The following CNTNAP5 variants were observed in gnomAD, a reference collection of about 807,000 sequenced individuals.
CNTNAP5 encodes contactin-associated protein-like 5.
CNTNAP5 carries 72 observed loss-of-function variants against 150.2 expected under a neutral mutation model. The ratio of observed to expected loss-of-function variants is 0.48; its 90% CI spans 0.40 to 0.58. The LOEUF (loss-of-function observed/expected upper bound fraction) is 0.58, where lower values mean the gene tolerates loss of function less well. CNTNAP5 is among the 20% of genes least tolerant of loss of function. The probability of loss-of-function intolerance (pLI) is 0.00; values close to 1 mark genes in which losing one functional copy is unlikely to be tolerated. For missense variants in CNTNAP5, 1,636 were observed against 1,626.2 expected (o/e 1.01, Z -0.10); for synonymous variants, 672 against 619.8 (o/e 1.08, Z -1.25).
At chr2:124,715,222 A>T (rs768890385) in intron 13 of CNTNAP5, among the ~76,000 whole-genome samples, 1 of 152,214 alleles carries the variant, frequency 6.6e-6, no homozygotes, top group African/African-American at 2.4e-5. Flanking sequence ...TGTGTCAAGC[A>T]TTGGGCTAAC....
At chr2:124,230,512 G>GTA (rs759909893) in intron 2 of CNTNAP5, among the ~76,000 whole-genome samples, 165 of 93,722 alleles carry the variant, frequency 1.8e-3, no homozygotes, top group Middle Eastern at 0.013. Context: ...GTGTGTGTGT[G>GTA]TATATATATA....
chr2:124,566,054 C>A (rs183245685), intron 11 of CNTNAP5, among the ~76,000 whole-genome samples: 1 of 151,574 alleles, frequency 6.6e-6, no homozygotes, highest in African/African-American at 2.4e-5. Context: ...CCAGTAAACA[C>A]CAATCTCTAG....
intron 19 of CNTNAP5, among the ~76,000 whole-genome samples, chr2:124,836,626 G>T (rs1458398781): frequency 6.6e-6 from 1 of 152,032 alleles, no homozygotes; most frequent in Non-Finnish European, 1.5e-5. Context: ...GTGGTCTATG[G>T]GGGTGCAAGT....
intron 12 of CNTNAP5, among the ~76,000 whole-genome samples, chr2:124,635,327 G>C (rs1677949851): frequency 6.6e-6 from 1 of 152,172 alleles, no homozygotes; most frequent in African/African-American, 2.4e-5. Context: ...CGGGAGGATA[G>C]TGCTAAACCA....
At chr2:124,836,301 A>G (rs1682827706) in intron 19 of CNTNAP5, among the ~76,000 whole-genome samples, 1 of 152,172 alleles carries the variant, frequency 6.6e-6, no homozygotes, top group Admixed American at 6.6e-5. Context: ...TATTAGTAGT[A>G]TTAGTCAGAA....
At chr2:124,463,445 C>T (rs1016636185) in intron 6 of CNTNAP5, among the ~76,000 whole-genome samples, 6 of 152,124 alleles carry the variant, frequency 3.9e-5, no homozygotes, top group African/African-American at 1.2e-4. Context: ...TCTGAATATA[C>T]CCCGTTGCAA....
chr2:124,917,737 G>A lies in CNTNAP5; in HGVS notation c.*3449G>A, dbSNP rs2104775196. Among the ~76,000 whole-genome samples, 1 of 152,112 alleles carries A rather than the reference G, an allele frequency of 6.6e-6. No homozygotes were observed. The highest frequency in any genetic ancestry group is 2.4e-5 in the African/African-American group (1 of 41,524). On this transcript the variant is annotated 3_prime_UTR_variant, in exon 24 of 24. Coordinates refer to ENST00000682447, the MANE Select transcript of CNTNAP5 (RefSeq NM_001367498.1). ...GGAATGCCAATGAGTGCCGGGCTAG[G>A]CATTGGGTGAACATATATAAATTAC...
chr2:124,043,127 A>T (rs1335637798), intron 1 of CNTNAP5, among the ~76,000 whole-genome samples: 1 of 152,182 alleles, frequency 6.6e-6, no homozygotes, highest in Non-Finnish European at 1.5e-5. Flanking sequence ...CTTTTGAAAA[A>T]GGAAAGTGAT....
chr2:124,901,994 C>T (rs1678422569), intron 21 of CNTNAP5, among the ~76,000 whole-genome samples: 1 of 152,020 alleles, frequency 6.6e-6, no homozygotes, highest in South Asian at 2.1e-4. Flanking sequence ...GTCCCTACTG[C>T]CTTTCAGAAA....
intron 8 of CNTNAP5, 144 bp downstream of exon 8, chr2:124,504,700 A>T: frequency 1.6e-6 from 1 of 624,966 alleles, no homozygotes; most frequent in Non-Finnish European, 2.6e-6. Flanking sequence ...CTGAAGAGGC[A>T]GCATTTTTTT....
intron 11 of CNTNAP5, among the ~76,000 whole-genome samples, chr2:124,576,829 G>T (rs1696291981): frequency 6.6e-6 from 1 of 152,184 alleles, no homozygotes; most frequent in Non-Finnish European, 1.5e-5. Flanking sequence ...TATGCTTAGA[G>T]TGGTGGATGC....
intron 6 of CNTNAP5, among the ~76,000 whole-genome samples, chr2:124,457,932 T>C (rs1239383389): frequency 2.0e-5 from 3 of 151,778 alleles, no homozygotes; most frequent in Non-Finnish European, 4.4e-5. Flanking sequence ...GGCATGGATA[T>C]GGTGAGCAGG....
Position 124,316,839 on chromosome 2 carries a change from AAAAAG to A in CNTNAP5, c.381+74460_381+74464del, listed in dbSNP as rs908245693. On this transcript the variant is annotated intron_variant, in intron 3 of 23. Coordinates refer to ENST00000682447, the MANE Select transcript of CNTNAP5 (RefSeq NM_001367498.1). ...AAAAAAAAAAAAAAAGAAAAAGAAA[AAAAAG>A]AAAAGAAAAGAAAGAATGGATCTCA... Among the ~76,000 whole-genome samples, 7 of 151,070 alleles carry A rather than the reference AAAAAG, an allele frequency of 4.6e-5. No individual in the cohort carries two copies. In the East Asian group the frequency reaches 9.7e-4, roughly 21 times the overall value.
intron 1 of CNTNAP5, among the ~76,000 whole-genome samples, chr2:124,113,539 T>TGC (rs56783070): frequency 1.3e-5 from 2 of 151,104 alleles, no homozygotes; most frequent in Admixed American, 1.3e-4. Context: ...TGTGTGTGTG[T>TGC]ATTATTTGTA....
At chr2:124,502,338 T>C (rs1292928597) in intron 7 of CNTNAP5, among the ~76,000 whole-genome samples, 1 of 152,122 alleles carries the variant, frequency 6.6e-6, no homozygotes, top group Non-Finnish European at 1.5e-5. Context: ...GAATCTCAGG[T>C]CCTCTACTCC....
At chr2:124,720,833 T>A (rs954676680) in intron 13 of CNTNAP5, among the ~76,000 whole-genome samples, 1 of 152,210 alleles carries the variant, frequency 6.6e-6, no homozygotes, top group Non-Finnish European at 1.5e-5. Context: ...GTGCTACATT[T>A]CTTTAAAGGC....
chr2:124,759,938 C>CT (rs571408475), intron 14 of CNTNAP5, among the ~76,000 whole-genome samples: 13,720 of 83,516 alleles, frequency 0.16, 1,754 homozygotes, highest in Non-Finnish European at 0.23. Context: ...ACTCCTCGGT[C>CT]TTTTTTTTTT....
rs545953331 is a variant in CNTNAP5, at chr2:124,435,099, T to C, written c.733+412T>C. Among the ~76,000 whole-genome samples, 10 of 152,298 alleles carry C rather than the reference T, an allele frequency of 6.6e-5. No individual in the cohort carries two copies. The East Asian group carries it at 1.9e-3, about 29-fold the overall frequency. On this transcript the variant is annotated intron_variant, in intron 5 of 23. Coordinates refer to ENST00000682447, the MANE Select transcript of CNTNAP5 (RefSeq NM_001367498.1). Reference sequence around the variant, plus strand: ...TTTTGGTTGCTCCGGGTTATTTTGTTGGGGAAGAGGGGATCATATGTGTGA... The same window carrying C: ...TTTTGGTTGCTCCGGGTTATTTTGTCGGGGAAGAGGGGATCATATGTGTGA...
chr2:124,106,974 G>A (rs1379653199), intron 1 of CNTNAP5, among the ~76,000 whole-genome samples: 2 of 152,198 alleles, frequency 1.3e-5, no homozygotes, highest in African/African-American at 4.8e-5. Flanking sequence ...CAGACATTTG[G>A]TGTCAGAAGC....
Sources: allele counts gnomAD v4.1 joint callset (sites outside exome capture counted in the v4.1 genomes callset), GRCh38; gene constraint gnomAD v4.1.1; transcripts MANE v1.5; gene names NCBI Gene and HGNC (gene_info 2026-07-23, HGNC 2026-07-21).